FBXO24: variants seen among roughly 807,000 people sequenced by gnomAD.
FBXO24 encodes F-box protein 24, also known as F-box only protein 24.
A neutral mutation model predicts 63.5 loss-of-function variants in FBXO24; 30 were observed. The ratio of observed to expected loss-of-function variants is 0.47; its 90% CI spans 0.35 to 0.64. The LOEUF (loss-of-function observed/expected upper bound fraction) is 0.64. Among genes scored for constraint, FBXO24 ranks in the 30% least tolerant of loss-of-function variants. The probability of loss-of-function intolerance (pLI) is 0.00; values close to 1 mark genes in which losing one functional copy is unlikely to be tolerated. For synonymous variants in FBXO24, 300 were observed against 305.0 expected (o/e 0.98, Z 0.17); for missense variants, 624 against 763.4 (o/e 0.82, Z 2.15).
intron 8 of FBXO24, 45 bp from the exon 9 acceptor site, chr7:100,599,986 T>TC: frequency 5.3e-6 from 7 of 1,314,182 alleles, no homozygotes; most frequent in South Asian, 1.2e-5. Flanking sequence ...AGCCCCCCCG[T>TC]CCCTTGGTGC....
chr7:100,589,035 AC>A (rs989150364), intron 1 of FBXO24, among the ~76,000 whole-genome samples: 60 of 151,264 alleles, frequency 4.0e-4, no homozygotes, highest in African/African-American at 1.4e-3. Context: ...GTCTATGTTG[AC>A]CAGGCTGGTC....
chr7:100,599,578 A>AG lies in FBXO24; in HGVS notation c.1207-453_1207-452insG, dbSNP rs1220633698. The AG allele has an allele frequency of 4.0e-3, 625 of 157,876 alleles. 4 individuals are homozygous for AG. Among genetic ancestry groups the AG allele is most frequent in the African/African-American group, 0.013 (557 of 41,356 alleles). 9.8% of individuals were successfully genotyped at this position (157,876 alleles called of 1,614,324 possible). A position where few individuals can be genotyped will look rare whatever the true frequency, so the allele number is the denominator to read the frequency against. On this transcript the variant is annotated intron_variant, in intron 8 of 9. Coordinates refer to ENST00000241071, the MANE Select transcript of FBXO24 (RefSeq NM_033506.3). ...GACTCTGTCTCAAACAAAAAAAAAA[A>AG]AAAGAAAGAAAGAAAGAAAAGATAA...
rs576552099 is a variant in FBXO24 at position 100,586,715 on chromosome 7, C to T, written c.39+51C>T. 5 of 1,605,974 alleles carry T rather than the reference C, an allele frequency of 3.1e-6. No homozygotes were observed. The African/African-American group carries it at 6.7e-5, about 21-fold the overall frequency. On this transcript the variant is annotated intron_variant, in intron 1 of 9. Transcript: ENST00000241071. ...TTAAGAATGAACGCGGAGCCCCTGG[C>T]CGGCCGGGAACGCAGTTCGCCGCTG...
intron 1 of FBXO24, chr7:100,589,609 C>A (rs1318495509): frequency 2.8e-6 from 4 of 1,453,408 alleles, no homozygotes; most frequent in Non-Finnish European, 3.6e-6. Context: ...GGCAGAGGGG[C>A]CTCAGAGGTC....
chr7:100,596,646 C>G (rs1247841496), intron 8 of FBXO24, among the ~76,000 whole-genome samples: 1 of 152,038 alleles, frequency 6.6e-6, no homozygotes, highest in East Asian at 1.9e-4. Flanking sequence ...AGACAAGCGC[C>G]TGGTGCTGCA....
At position 100,594,554 on chromosome 7, in the gene FBXO24, T is replaced by TC. The variant is rs756503610; in HGVS notation, c.952+19dup. On this transcript the variant is annotated intron_variant, in intron 6 of 9. Coordinates refer to ENST00000241071, the MANE Select transcript of FBXO24 (RefSeq NM_033506.3). The surrounding 1 kb of genome is among the most constrained non-coding windows in gnomAD (Gnocchi z 4.2). Reference sequence around the variant, plus strand: ...CTCTACGTCACAGGTATGGACCACCTCCCCCCGGCTCAAGCCCGCAGCCTT... The same window carrying TC: ...CTCTACGTCACAGGTATGGACCACCTCCCCCCCGGCTCAAGCCCGCAGCCTT... 2 of 1,554,932 alleles carry TC rather than the reference T, an allele frequency of 1.3e-6. No individual in the cohort carries two copies. The highest frequency in any genetic ancestry group is 8.7e-7 in the Non-Finnish European group (1 of 1,147,508).
At chr7:100,598,693 C>T (rs1346717668) in intron 8 of FBXO24, among the ~76,000 whole-genome samples, 2 of 152,150 alleles carry the variant, frequency 1.3e-5, no homozygotes, top group Non-Finnish European at 2.9e-5. Context: ...AAATGCTAGG[C>T]TAAGCATTTC....
chr7:100,595,148 C>T lies in FBXO24; in HGVS notation c.999C>T (p.Arg333=), dbSNP rs758758575. The change falls in exon 7 of 10, where the codon CGC becomes CGT. Residue 333 remains arginine (R), a synonymous_variant. Coordinates refer to ENST00000241071, the MANE Select transcript of FBXO24 (RefSeq NM_033506.3). ...AGGTGCATACCCCAGGGGTGTATCGCGATCTCTTTGGGACCCTTCAAGCCT... is the reference window on the plus strand; with the variant it reads ...AGGTGCATACCCCAGGGGTGTATCGTGATCTCTTTGGGACCCTTCAAGCCT... ...YFEVHTPGVY[R]DLFGTLQAFD... 3.3e-5 allele frequency: 54 copies of T among 1,613,958 alleles called. No homozygotes were observed. The highest frequency in any genetic ancestry group is 3.4e-5 in the Non-Finnish European group (40 of 1,179,990).
chr7:100,591,642 C>A (rs201242836), intron 3 of FBXO24, 25 bp from the exon 4 acceptor site: 148 of 1,607,732 alleles, frequency 9.2e-5, no homozygotes, highest in East Asian at 6.5e-4. Flanking sequence ...ATCCCTTGAA[C>A]CTTCCATCTC....
In FBXO24 at chr7:100,586,658, G is replaced by C. The variant is rs371532757; in HGVS notation, c.33G>C (p.Arg11Ser). ...AGAAGGCGGTCCCTTTGCTAAGGAG[G>C]AGGCGGGTGAGCTAGAACTTTAAGA... MGEKAVPLLR[R>S]RRVKRSCPSC... The change falls in exon 1 of 10, where the codon AGG becomes AGC. Residue 11 changes from arginine to serine, a missense_variant. Physicochemically the swap from Arg to Ser is moderately radical, Grantham distance 110. This residue lies in a region of FBXO24 where 391 missense variants were observed against 469.1 expected (regional missense o/e 0.83). Transcript: ENST00000241071. 4.9e-5 allele frequency: 79 copies of C among 1,614,128 alleles called. 2 individuals carry two copies. In the South Asian group the frequency reaches 8.6e-4, roughly 17 times the overall value.
intron 1 of FBXO24, chr7:100,589,406 G>A: frequency 8.3e-7 from 1 of 1,205,408 alleles, no homozygotes; most frequent in Non-Finnish European, 1.0e-6. Flanking sequence ...TCACCTACCA[G>A]TAATTCACAC....
rs757714028 is a variant in FBXO24 at position 100,594,544 on chromosome 7, A to G, written c.952+3A>G. The G allele has an allele frequency of 7.6e-6, 12 of 1,582,764 alleles. No individual in the cohort carries two copies. In the East Asian group the frequency reaches 1.1e-4, roughly 15 times the overall value. On this transcript the variant is annotated splice_donor_region_variant and intron_variant, in intron 6 of 9. Coordinates refer to ENST00000241071, the MANE Select transcript of FBXO24 (RefSeq NM_033506.3). The surrounding 1 kb of genome is among the most constrained non-coding windows in gnomAD (Gnocchi z 4.2). The stretch of plus-strand genomic sequence containing the variant: ...GAGCAGCACCCTCTACGTCACAGGT[A>G]TGGACCACCTCCCCCCGGCTCAAGC...
At chr7:100,592,643 C>T (rs1445916962) in intron 4 of FBXO24, 140 bp from the exon 5 acceptor site, 2 of 669,526 alleles carry the variant, frequency 3.0e-6, no homozygotes, top group African/African-American at 1.8e-5. Flanking sequence ...CTTCTGCCCT[C>T]CCACATAGGA....
At chr7:100,591,556 G>T in intron 3 of FBXO24, 111 bp from the exon 4 acceptor site, 1 of 904,408 alleles carries the variant, frequency 1.1e-6, no homozygotes, top group East Asian at 2.5e-5. Context: ...CCCTGTCCTG[G>T]GGATGGGGAG....
At chr7:100,589,819 C>A in intron 1 of FBXO24, 158 bp from the exon 2 acceptor site, 2 of 1,513,622 alleles carry the variant, frequency 1.3e-6, no homozygotes, top group Middle Eastern at 1.7e-4. Flanking sequence ...CGCAGGAGAT[C>A]GGGAGGAGTT....
In FBXO24 at chr7:100,600,697, G is replaced by T. The variant is rs774002877; in HGVS notation, c.1541G>T (p.Gly514Val). The change falls in exon 10 of 10, where the codon GGG (glycine) becomes GTG (valine). Residue 514 changes from glycine to valine, a missense_variant. By Grantham distance (109) the Gly-to-Val change is moderately radical. Coordinates refer to ENST00000241071, the MANE Select transcript of FBXO24 (RefSeq NM_033506.3). This position sits in a 1 kb window ranked among gnomAD's most constrained non-coding sequence, Gnocchi z 6.3. ...LGARAPQDPG[G>V]MAQACEEYLS... Reference sequence around the variant, plus strand: ...GCCAGAGCACCCCAGGACCCCGGGGGGATGGCCCAGGCCTGCGAGGAGTAC... The same window carrying T: ...GCCAGAGCACCCCAGGACCCCGGGGTGATGGCCCAGGCCTGCGAGGAGTAC... 1.2e-6 allele frequency: 2 copies of T among 1,614,072 alleles called. No individual in the cohort carries two copies. Among genetic ancestry groups the T allele is most frequent in the Admixed American group, 1.7e-5 (1 of 60,010 alleles).
In FBXO24 at chr7:100,600,782, C is replaced by T. The variant is rs375002876; in HGVS notation, c.1626C>T (p.Ile542=). 4 of 1,613,978 alleles carry T rather than the reference C, an allele frequency of 2.5e-6. No individual in the cohort carries two copies. Among genetic ancestry groups the T allele is most frequent in the African/African-American group, 2.7e-5 (2 of 74,902 alleles). The change falls in exon 10 of 10, where the codon ATC becomes ATT. Residue 542 remains isoleucine (I), a synonymous_variant. Coordinates refer to ENST00000241071, the MANE Select transcript of FBXO24 (RefSeq NM_033506.3). This position sits in a 1 kb window ranked among gnomAD's most constrained non-coding sequence, Gnocchi z 6.3. ...LQDRTEKMKE[I]VGWMPLMAAQ... is the part of the protein sequence containing the mutation. The stretch of plus-strand genomic sequence containing the variant: ...ACCGCACGGAGAAGATGAAGGAGAT[C>T]GTAGGGTGGATGCCCCTGATGGCCG...
At chr7:100,591,030 G>GTTT (rs1801991362) in intron 3 of FBXO24, among the ~76,000 whole-genome samples, 7 of 115,906 alleles carry the variant, frequency 6.0e-5, no homozygotes, top group African/African-American at 9.6e-5. Flanking sequence ...CTTTTTCTTT[G>GTTT]ATTTTTTTTT....
rs2131282202 is a variant in FBXO24 at position 100,600,221 on chromosome 7, A to C, written c.1377+20A>C. ...GTCAAGGTCAGAGCGGGGTCAGGAG[A>C]GTGGGCACCCAGGGAGGATGAGAGC... is the stretch of plus-strand genomic sequence containing the variant. On this transcript the variant is annotated intron_variant, in intron 9 of 9. Coordinates refer to ENST00000241071, the MANE Select transcript of FBXO24 (RefSeq NM_033506.3). The surrounding 1 kb of genome is among the most constrained non-coding windows in gnomAD (Gnocchi z 6.3). 1 of 1,510,042 alleles carries C rather than the reference A, an allele frequency of 6.6e-7. No homozygotes were observed. The highest frequency in any genetic ancestry group is 2.4e-5 in the East Asian group (1 of 40,942). 93.5% of individuals were successfully genotyped at this position (1,510,042 alleles called of 1,614,324 possible).
Sources: gnomAD v4.1 joint callset for allele counts (sites outside exome capture counted in the v4.1 genomes callset) on GRCh38, gnomAD v4.1.1 for gene constraint, gnomAD v4.1.1 regional missense constraint, Gnocchi (gnomAD v3.1) non-coding constraint, MANE v1.5 for transcripts, NCBI Gene and HGNC (gene_info 2026-07-23, HGNC 2026-07-21) for gene names.